The following EIF2AK3 variants were observed in gnomAD, a reference collection of about 807,000 sequenced individuals.
EIF2AK3 encodes eukaryotic translation initiation factor 2 alpha kinase 3.
In EIF2AK3, 50 loss-of-function variants were observed where a neutral mutation model predicts 113.5. The observed-to-expected ratio is 0.44, with a 90% CI of 0.35 to 0.56. EIF2AK3 has a LOEUF of 0.56. Among genes scored for constraint, EIF2AK3 ranks in the 20% least tolerant of loss-of-function variants. EIF2AK3 has a pLI of 0.00. For missense variants in EIF2AK3, 1,185 were observed against 1,378.0 expected, an observed-to-expected ratio of 0.86 and a Z score of 2.22; for synonymous variants, 448 against 495.4, an observed-to-expected ratio of 0.90 and a Z score of 1.27.
At chr2:88,565,005 A>G (rs973469356) in intron 14 of EIF2AK3, among the ~76,000 whole-genome samples, 3 of 152,014 alleles carry the variant, frequency 2.0e-5, no homozygotes, top group Non-Finnish European at 4.4e-5. Flanking sequence ...CTCTTAAATA[A>G]TAATAAATTT....
intron 1 of EIF2AK3, among the ~76,000 whole-genome samples, chr2:88,618,815 C>A (rs1388976715): frequency 2.0e-5 from 3 of 152,202 alleles, no homozygotes; most frequent in African/African-American, 7.2e-5. Context: ...TGAACTCTCA[C>A]CCATGATCCA....
Position 88,627,211 on chromosome 2 carries a change from CCAG to C in EIF2AK3, c.61_63del (p.Leu21del), listed in dbSNP as rs1805190. 948,976 of 1,420,252 alleles carry C rather than the reference CCAG, an allele frequency of 0.67. 292,822 individuals carry two copies. The highest frequency in any genetic ancestry group is 0.84 in the African/African-American group (55,973 of 66,886). 88.0% of individuals were successfully genotyped at this position (1,420,252 alleles called of 1,614,324 possible). A position where few individuals can be genotyped will look rare whatever the true frequency, so the allele number is the denominator to read the frequency against. On this transcript the variant is annotated inframe_deletion, in exon 1 of 17. Transcript: ENST00000303236. ...GCGGCCACCGTCCTTGCCGCGAGCC[CCAG>C]CAGCAGCAGCAGCAGCAGCAGCGCC...
At chr2:88,559,941 T>C (rs1168957487) in intron 15 of EIF2AK3, among the ~76,000 whole-genome samples, 1 of 152,190 alleles carries the variant, frequency 6.6e-6, no homozygotes, top group Non-Finnish European at 1.5e-5. Flanking sequence ...TTTGTCTATG[T>C]TTTCATTTCC....
At chr2:88,609,972 G>T (rs1352049975) in intron 2 of EIF2AK3, among the ~76,000 whole-genome samples, 1 of 91,718 alleles carries the variant, frequency 1.1e-5, no homozygotes, top group Admixed American at 1.0e-4. Flanking sequence ...AAAAAAAAAA[G>T]GTAGCTGAGC....
chr2:88,598,444 A>C (rs1050452519), intron 2 of EIF2AK3, among the ~76,000 whole-genome samples: 2 of 152,218 alleles, frequency 1.3e-5, no homozygotes, highest in African/African-American at 4.8e-5. Flanking sequence ...CATCAATGAG[A>C]GTTAGATGCC....
chr2:88,625,885 G>A lies in EIF2AK3; in HGVS notation c.308+1082C>T, dbSNP rs190448166. 1.2e-4 allele frequency among the ~76,000 whole-genome samples: 18 copies of A among 152,116 alleles called. No homozygotes were observed. In the East Asian group the frequency reaches 3.5e-3, roughly 29 times the overall value. Reference sequence around the variant, plus strand: ...TTTATATATTCAAATGGTGCCTAGAGAATTTTAGTACTTATCCTATTTATA... The same window carrying A: ...TTTATATATTCAAATGGTGCCTAGAAAATTTTAGTACTTATCCTATTTATA... On this transcript the variant is annotated intron_variant, in intron 1 of 16. Coordinates refer to ENST00000303236, the MANE Select transcript of EIF2AK3 (RefSeq NM_004836.7).
At chr2:88,581,747 T>C (rs1306915508) in intron 10 of EIF2AK3, among the ~76,000 whole-genome samples, 1 of 152,240 alleles carries the variant, frequency 6.6e-6, no homozygotes, top group Non-Finnish European at 1.5e-5. Flanking sequence ...AGCAAAGGTA[T>C]TAAAGTAGCC....
At chr2:88,561,556 C>A (rs375520002) in intron 15 of EIF2AK3, among the ~76,000 whole-genome samples, 13 of 152,292 alleles carry the variant, frequency 8.5e-5, no homozygotes, top group African/African-American at 3.1e-4. Flanking sequence ...CCACTGCACC[C>A]GGCCCAGAGG....
chr2:88,572,862 GAAT>G (rs1331797302), intron 13 of EIF2AK3, among the ~76,000 whole-genome samples: 1 of 152,186 alleles, frequency 6.6e-6, no homozygotes, highest in Non-Finnish European at 1.5e-5. Context: ...GGTGTGATGA[GAAT>G]AATGAAGAAG....
chr2:88,591,419 TAATTA>T (rs1304277684), intron 4 of EIF2AK3, among the ~76,000 whole-genome samples: 1 of 152,212 alleles, frequency 6.6e-6, no homozygotes, highest in Non-Finnish European at 1.5e-5. Flanking sequence ...CCTTACCTCT[TAATTA>T]AAGGCAGGAT....
At chr2:88,625,989 A>G (rs968230988) in intron 1 of EIF2AK3, among the ~76,000 whole-genome samples, 1 of 152,200 alleles carries the variant, frequency 6.6e-6, no homozygotes, top group East Asian at 1.9e-4. Context: ...AGTAATGACT[A>G]TAAGTCTAAA....
intron 14 of EIF2AK3, among the ~76,000 whole-genome samples, chr2:88,563,567 C>T (rs1674021633): frequency 6.6e-6 from 1 of 152,178 alleles, no homozygotes; most frequent in African/African-American, 2.4e-5. Context: ...TAAATGTTTA[C>T]TCCTGCTTAA....
At chr2:88,606,118 T>A (rs535996708) in intron 2 of EIF2AK3, among the ~76,000 whole-genome samples, 1 of 152,272 alleles carries the variant, frequency 6.6e-6, no homozygotes, top group East Asian at 1.9e-4. Flanking sequence ...GTTTAATTCT[T>A]TTTTTCACTA....
intron 2 of EIF2AK3, among the ~76,000 whole-genome samples, chr2:88,605,373 A>C (rs1406747596): frequency 1.3e-5 from 2 of 152,234 alleles, no homozygotes; most frequent in African/African-American, 4.8e-5. Context: ...CTCCACAAGT[A>C]AATTAAAGGC....
At chr2:88,616,461 T>C (rs907613352) in intron 1 of EIF2AK3, among the ~76,000 whole-genome samples, 2 of 152,152 alleles carry the variant, frequency 1.3e-5, no homozygotes, top group African/African-American at 4.8e-5. Context: ...AGTTGCGCTC[T>C]TGTCGCCCAG....
intron 2 of EIF2AK3, among the ~76,000 whole-genome samples, chr2:88,607,195 TA>T: frequency 6.6e-6 from 1 of 152,236 alleles, no homozygotes; most frequent in African/African-American, 2.4e-5. Context: ...CCAGAGATCC[TA>T]AAGAAAAAAC....
chr2:88,585,135 G>GT (rs1674688075), intron 9 of EIF2AK3, among the ~76,000 whole-genome samples: 1 of 152,098 alleles, frequency 6.6e-6, no homozygotes, highest in South Asian at 2.1e-4. Flanking sequence ...TGTGATGATG[G>GT]TATTTGTGCT....
At chr2:88,561,348 G>A (rs1369000524) in intron 15 of EIF2AK3, among the ~76,000 whole-genome samples, 4 of 150,902 alleles carry the variant, frequency 2.7e-5, no homozygotes, top group Non-Finnish European at 5.9e-5. Flanking sequence ...TGCAAGCTCC[G>A]CCTCCCGGGT....
chr2:88,574,602 G>A, intron 13 of EIF2AK3, 64 bp downstream of exon 13: 5 of 1,579,372 alleles, frequency 3.2e-6, no homozygotes, highest in Non-Finnish European at 4.3e-6. Flanking sequence ...AGTACTGCAA[G>A]TACTGCTCTG....
Sources: gnomAD v4.1 joint callset for allele counts (sites outside exome capture counted in the v4.1 genomes callset) on GRCh38, gnomAD v4.1.1 for gene constraint, MANE v1.5 for transcripts, NCBI Gene and HGNC (gene_info 2026-07-23, HGNC 2026-07-21) for gene names.